The following THSD7B variants were observed in gnomAD, a reference collection of about 807,000 sequenced individuals.
THSD7B encodes the protein thrombospondin type-1 domain-containing protein 7B.
A neutral mutation model predicts 213.6 loss-of-function variants in THSD7B; 138 were observed. The observed-to-expected ratio is 0.65, with a 90% confidence interval of 0.56 to 0.74. THSD7B has a LOEUF of 0.74. Among genes scored for constraint, THSD7B ranks in the 30% least tolerant of loss-of-function variants. The probability of loss-of-function intolerance (pLI) is 0.00; values close to 1 mark genes in which losing one functional copy is unlikely to be tolerated. For missense variants in THSD7B, 1,931 were observed against 1,991.5 expected, an observed-to-expected ratio of 0.97 and a Z score of 0.58; for synonymous variants, 742 against 687.0, an observed-to-expected ratio of 1.08 and a Z score of -1.25.
intron 2 of THSD7B, among the ~76,000 whole-genome samples, chr2:136,981,901 A>C (rs992619639): frequency 3.9e-5 from 6 of 152,186 alleles, no homozygotes; most frequent in Non-Finnish European, 5.9e-5. Flanking sequence ...TTTGTTGTCC[A>C]GCACGTGTCC....
At chr2:137,194,701 T>G (rs1188594544) in intron 7 of THSD7B, among the ~76,000 whole-genome samples, 2 of 152,178 alleles carry the variant, frequency 1.3e-5, no homozygotes, top group Non-Finnish European at 2.9e-5. Flanking sequence ...GTAAATAATG[T>G]TTTCTCTCTT....
intron 1 of THSD7B, among the ~76,000 whole-genome samples, chr2:136,846,304 C>G (rs1021870023): frequency 1.1e-4 from 16 of 152,020 alleles, no homozygotes; most frequent in Admixed American, 4.6e-4. Context: ...TAAGGAGACA[C>G]CAGGTACTGA....
At chr2:136,876,696 A>C (rs1483262198) in intron 1 of THSD7B, among the ~76,000 whole-genome samples, 1 of 152,228 alleles carries the variant, frequency 6.6e-6, no homozygotes, top group East Asian at 1.9e-4. Context: ...GTGTATGTGC[A>C]TAAAAATGTC....
At chr2:137,513,517 A>G (rs1350370052) in intron 15 of THSD7B, among the ~76,000 whole-genome samples, 1 of 152,226 alleles carries the variant, frequency 6.6e-6, no homozygotes, top group Non-Finnish European at 1.5e-5. Context: ...AGGCATACAT[A>G]TATTATATGC....
At chr2:137,381,773 A>G (rs1172835108) in intron 12 of THSD7B, among the ~76,000 whole-genome samples, 2 of 152,214 alleles carry the variant, frequency 1.3e-5, no homozygotes, top group Non-Finnish European at 2.9e-5. Context: ...CACCAATTCC[A>G]GAAAATGCCC....
At chr2:137,564,017 G>A (rs1322113884) in intron 16 of THSD7B, among the ~76,000 whole-genome samples, 1 of 152,166 alleles carries the variant, frequency 6.6e-6, no homozygotes, top group Non-Finnish European at 1.5e-5. Flanking sequence ...CTTACCAACT[G>A]AGGATAATGG....
At chr2:136,815,362 G>A (rs1210102504) in intron 1 of THSD7B, among the ~76,000 whole-genome samples, 1 of 152,054 alleles carries the variant, frequency 6.6e-6, no homozygotes, top group African/African-American at 2.4e-5. Context: ...GCCTTCCATG[G>A]TTCTTGGTGC....
chr2:137,274,907 T>C (rs977068295), intron 11 of THSD7B, among the ~76,000 whole-genome samples: 2 of 152,098 alleles, frequency 1.3e-5, no homozygotes, highest in African/African-American at 4.8e-5. Context: ...TCCCCAACTC[T>C]TCAGCTATTC....
intron 15 of THSD7B, among the ~76,000 whole-genome samples, chr2:137,477,634 G>C (rs547243336): frequency 1.3e-5 from 2 of 151,460 alleles, no homozygotes; most frequent in Admixed American, 1.3e-4. Flanking sequence ...TTGCAGTTTG[G>C]TGGGTTTTTA....
At chr2:136,970,920 C>T (rs1685394138) in intron 2 of THSD7B, among the ~76,000 whole-genome samples, 1 of 152,136 alleles carries the variant, frequency 6.6e-6, no homozygotes, top group African/African-American at 2.4e-5. Flanking sequence ...CAAATTCTAG[C>T]CTATGGTTAA....
intron 12 of THSD7B, among the ~76,000 whole-genome samples, chr2:137,317,380 C>T (rs199975754): frequency 6.6e-6 from 1 of 152,210 alleles, no homozygotes; most frequent in African/African-American, 2.4e-5. Flanking sequence ...TCTACACGTT[C>T]TGCAATTACC....
intron 2 of THSD7B, among the ~76,000 whole-genome samples, chr2:137,014,729 G>A (rs942587420): frequency 6.6e-6 from 1 of 152,094 alleles, no homozygotes; most frequent in Non-Finnish European, 1.5e-5. Context: ...AGTTTATCTG[G>A]GTTATTCAGA....
At chr2:137,484,085 A>G (rs1380981594) in intron 15 of THSD7B, among the ~76,000 whole-genome samples, 3 of 151,668 alleles carry the variant, frequency 2.0e-5, no homozygotes, top group Non-Finnish European at 4.4e-5. Context: ...TTAGTTACAT[A>G]TGTATACATG....
In THSD7B at chr2:137,170,848, T is replaced by G. The variant is rs1382404600; in HGVS notation, c.1633T>G (p.Trp545Gly). The change falls in exon 7 of 28, where the codon TGG becomes GGG. Residue 545 changes from tryptophan (W) to glycine (G), a missense_variant. Coordinates refer to ENST00000409968, the MANE Select transcript of THSD7B (RefSeq NM_001316349.2). ...TTGTGAGGATCCAATGTGCTACCGATGGCTGGCATCAGAAGGGATCTGTTT... is the reference window on the plus strand; with the variant it reads ...TTGTGAGGATCCAATGTGCTACCGAGGGCTGGCATCAGAAGGGATCTGTTT... ...VPCEDPMCYR[W>G]LASEGICFPD... 1 of 1,613,718 alleles carries G rather than the reference T, an allele frequency of 6.2e-7. No individual in the cohort carries two copies. Among genetic ancestry groups the G allele is most frequent in the East Asian group, 2.2e-5 (1 of 44,826 alleles).
intron 15 of THSD7B, among the ~76,000 whole-genome samples, chr2:137,554,380 T>G (rs1680909107): frequency 6.6e-6 from 1 of 152,162 alleles, no homozygotes; most frequent in African/African-American, 2.4e-5. Context: ...AATAAACACT[T>G]AAACAAATGC....
Position 137,261,712 on chromosome 2 carries a change from G to A in THSD7B, c.2267-10821G>A, listed in dbSNP as rs565396438. 4.6e-5 allele frequency among the ~76,000 whole-genome samples: 7 copies of A among 151,978 alleles called. No individual in the cohort carries two copies. The East Asian group carries it at 1.4e-3, about 29-fold the overall frequency. ...GTGTCTATCTTGTGCTAAAATTTAT[G>A]GTTAAAAATAAAAAGCCTAATTTTA... On this transcript the variant is annotated intron_variant, in intron 10 of 27. Coordinates refer to ENST00000409968, the MANE Select transcript of THSD7B (RefSeq NM_001316349.2).
At chr2:136,839,473 C>T (rs1051271471) in intron 1 of THSD7B, among the ~76,000 whole-genome samples, 2 of 152,102 alleles carry the variant, frequency 1.3e-5, no homozygotes, top group African/African-American at 4.8e-5. Flanking sequence ...ATAATAAAAT[C>T]TCAGAATCTT....
chr2:137,484,251 A>G (rs1301619523), intron 15 of THSD7B, among the ~76,000 whole-genome samples: 4 of 149,218 alleles, frequency 2.7e-5, no homozygotes, highest in South Asian at 2.2e-4. Context: ...ATTCCCAACT[A>G]TGAGTGAGAA....
intron 7 of THSD7B, among the ~76,000 whole-genome samples, chr2:137,207,484 T>C (rs6754201): frequency 0.59 from 90,351 of 151,914 alleles, 27,254 homozygotes; most frequent in South Asian, 0.71. Context: ...TCTAGATGTT[T>C]TTTGCTGTTA....
Sources: gnomAD v4.1 joint callset for allele counts (sites outside exome capture counted in the v4.1 genomes callset) on GRCh38, gnomAD v4.1.1 for gene constraint, MANE v1.5 for transcripts, NCBI Gene and HGNC (gene_info 2026-07-23, HGNC 2026-07-21) for gene names.